PRKG1: variants seen among roughly 807,000 people sequenced by gnomAD.
PRKG1 encodes the protein cGMP-dependent protein kinase 1.
PRKG1 carries 35 observed loss-of-function variants against 88.1 expected under a neutral mutation model. That is an observed-to-expected ratio of 0.40 (90% CI 0.30 to 0.53). The LOEUF (loss-of-function observed/expected upper bound fraction) is 0.53. PRKG1 is among the 20% of genes least tolerant of loss of function. The pLI is 0.59. For synonymous variants in PRKG1, 303 were observed against 292.5 expected (o/e 1.04, Z -0.37); for missense variants, 540 against 839.8 (o/e 0.64, Z 4.41).
intron 3 of PRKG1, among the ~76,000 whole-genome samples, chr10:51,567,230 G>A (rs1589088599): frequency 1.3e-5 from 2 of 151,978 alleles, no homozygotes; most frequent in East Asian, 3.9e-4. Context: ...ATGAAATAAT[G>A]TAGTAGGCTG....
chr10:52,170,367 A>G (rs896298742), intron 9 of PRKG1, among the ~76,000 whole-genome samples: 1 of 152,202 alleles, frequency 6.6e-6, no homozygotes, highest in Admixed American at 6.5e-5. Flanking sequence ...TTCACATAAT[A>G]TAGGAAGAAA....
intron 3 of PRKG1, chr10:51,699,605 C>T: frequency 6.5e-7 from 1 of 1,538,938 alleles, no homozygotes; most frequent in Non-Finnish European, 8.8e-7. Flanking sequence ...TGTCCTCTTG[C>T]GACCGACACT....
At chr10:52,284,923 C>A (rs927249586) in intron 14 of PRKG1, among the ~76,000 whole-genome samples, 1 of 151,978 alleles carries the variant, frequency 6.6e-6, no homozygotes, top group Admixed American at 6.6e-5. Context: ...ACATGACCTC[C>A]CTGAATGTTT....
chr10:51,477,784 G>A (rs553558942), intron 3 of PRKG1, among the ~76,000 whole-genome samples: 59 of 152,104 alleles, frequency 3.9e-4, no homozygotes, highest in African/African-American at 1.4e-3. Context: ...GAAACCCATA[G>A]ATACAGAAGT....
intron 1 of PRKG1, among the ~76,000 whole-genome samples, chr10:51,020,698 A>G (rs905302847): frequency 6.6e-6 from 1 of 152,186 alleles, no homozygotes; most frequent in African/African-American, 2.4e-5. Context: ...CACCAAAATT[A>G]TGCCTCAGAA....
chr10:52,110,131 G>A (rs78699098), intron 7 of PRKG1, among the ~76,000 whole-genome samples: 17,316 of 151,782 alleles, frequency 0.11, 1,396 homozygotes, highest in East Asian at 0.32. Flanking sequence ...GGCGGATCAC[G>A]AGGTCAGGAG....
intron 2 of PRKG1, among the ~76,000 whole-genome samples, chr10:51,397,343 A>G (rs1408271119): frequency 1.3e-5 from 2 of 152,154 alleles, no homozygotes; most frequent in African/African-American, 4.8e-5. Flanking sequence ...CACCCTTTTT[A>G]AATGTCAAAG....
At chr10:52,274,643 A>G (rs1358299216) in intron 12 of PRKG1, among the ~76,000 whole-genome samples, 2 of 151,842 alleles carry the variant, frequency 1.3e-5, no homozygotes, top group East Asian at 1.9e-4. Flanking sequence ...TGATTTTGCA[A>G]TTGTGAATTG....
chr10:51,691,409 G>A (rs1249940542), intron 3 of PRKG1, among the ~76,000 whole-genome samples: 2 of 151,354 alleles, frequency 1.3e-5, no homozygotes, highest in African/African-American at 4.9e-5. Flanking sequence ...CTGGGCTGAA[G>A]TGATCCTCCC....
At chr10:52,259,121 CAA>C (rs57994383) in intron 10 of PRKG1, among the ~76,000 whole-genome samples, 3 of 99,032 alleles carry the variant, frequency 3.0e-5, no homozygotes. Flanking sequence ...TTAGACTTGC[CAA>C]AAAAAAAAAA....
At chr10:51,299,355 T>C (rs10822642) in intron 2 of PRKG1, among the ~76,000 whole-genome samples, 37,269 of 151,824 alleles carry the variant, frequency 0.25, 4,658 homozygotes, top group Admixed American at 0.37. Flanking sequence ...ACAGGCATCC[T>C]CCACCATGCC....
intron 3 of PRKG1, among the ~76,000 whole-genome samples, chr10:51,473,259 C>A (rs192301754): frequency 1.3e-5 from 2 of 151,984 alleles, no homozygotes; most frequent in East Asian, 1.9e-4. Context: ...TGCTACATAA[C>A]AGACTAACAT....
At chr10:51,264,482 A>C (rs759782395) in intron 2 of PRKG1, among the ~76,000 whole-genome samples, 18 of 152,222 alleles carry the variant, frequency 1.2e-4, no homozygotes, top group Non-Finnish European at 2.5e-4. Context: ...ATGGAAGTAC[A>C]ATGTGAAAAA....
chr10:51,619,028 C>G (rs983151922), intron 3 of PRKG1, among the ~76,000 whole-genome samples: 1 of 150,520 alleles, frequency 6.6e-6, no homozygotes, highest in African/African-American at 2.4e-5. Flanking sequence ...CCACCTGCCT[C>G]GGCCTCCCAA....
chr10:51,940,647 A>C (rs1421103864), intron 5 of PRKG1, among the ~76,000 whole-genome samples: 1 of 151,882 alleles, frequency 6.6e-6, no homozygotes, highest in African/African-American at 2.4e-5. Flanking sequence ...TCATTTAAAC[A>C]TGCAAGTCCT....
At chr10:51,151,450 T>G (rs1456961043) in intron 1 of PRKG1, among the ~76,000 whole-genome samples, 2 of 152,060 alleles carry the variant, frequency 1.3e-5, no homozygotes, top group African/African-American at 4.8e-5. Context: ...AAATATCATT[T>G]TGTAGATGAT....
At chr10:51,903,397 T>C (rs578041109) in intron 4 of PRKG1, among the ~76,000 whole-genome samples, 4 of 152,306 alleles carry the variant, frequency 2.6e-5, no homozygotes, top group African/African-American at 9.6e-5. Flanking sequence ...TAAGGCTATA[T>C]ACTTAGGAGA....
intron 3 of PRKG1, among the ~76,000 whole-genome samples, chr10:51,763,147 A>G (rs80261936): frequency 0.016 from 2,410 of 152,294 alleles, 54 homozygotes; most frequent in African/African-American, 0.053. Context: ...TGGTTCTTGG[A>G]GAAAAATTAG....
chr10:51,195,068 A>T (rs138480852), intron 2 of PRKG1, among the ~76,000 whole-genome samples: 1 of 152,354 alleles, frequency 6.6e-6, no homozygotes, highest in East Asian at 1.9e-4. Context: ...AACCAATGCC[A>T]TACATGTTTG....
Sources: gnomAD v4.1 joint callset for allele counts (sites outside exome capture counted in the v4.1 genomes callset) on GRCh38, gnomAD v4.1.1 for gene constraint, MANE v1.5 for transcripts, NCBI Gene and HGNC (gene_info 2026-07-23, HGNC 2026-07-21) for gene names.